DTD1: variants seen among roughly 807,000 people sequenced by gnomAD.
DTD1 encodes the protein D-tyrosyl-tRNA deacylase 1 homolog.
DTD1 carries 13 observed loss-of-function variants against 25.6 expected under a neutral mutation model. The observed-to-expected ratio is 0.51, with a 90% CI of 0.33 to 0.81. The LOEUF is 0.81. DTD1 is among the 30% of genes least tolerant of loss of function. The probability of loss-of-function intolerance (pLI) is 0.02; values close to 1 mark genes in which losing one functional copy is unlikely to be tolerated. For missense variants in DTD1, 193 were observed against 266.4 expected (o/e 0.72, Z 1.92); for synonymous variants, 110 against 103.6 (o/e 1.06, Z -0.37).
At chr20:18,744,053 ATGTGTTTGT>A in intron 4 of DTD1, 38 bp from the exon 5 acceptor site, 1 of 1,533,440 alleles carries the variant, frequency 6.5e-7, no homozygotes, top group South Asian at 1.2e-5. Flanking sequence ...ATACACAGGC[ATGTGTTTGT>A]GTTTGTAAAA....
intron 4 of DTD1, among the ~76,000 whole-genome samples, chr20:18,660,115 A>G (rs960078506): frequency 6.6e-6 from 1 of 152,138 alleles, no homozygotes; most frequent in Admixed American, 6.5e-5. Flanking sequence ...GTGGAAGCCT[A>G]TAATCACAGC....
chr20:18,595,162 G>T (rs1358522489), intron 2 of DTD1, among the ~76,000 whole-genome samples: 2 of 152,206 alleles, frequency 1.3e-5, no homozygotes, highest in Non-Finnish European at 2.9e-5. Context: ...CCCCTCTGGG[G>T]CTTAAGGAGC....
chr20:18,699,058 T>C (rs2061091550), intron 4 of DTD1, among the ~76,000 whole-genome samples: 3 of 151,882 alleles, frequency 2.0e-5, no homozygotes, highest in Non-Finnish European at 4.4e-5. Context: ...CACCAGGGAG[T>C]TTGGGAAAGT....
At chr20:18,753,519 A>G (rs2061328432) in intron 5 of DTD1, among the ~76,000 whole-genome samples, 1 of 150,020 alleles carries the variant, frequency 6.7e-6, no homozygotes, top group Non-Finnish European at 1.5e-5. Context: ...GAGACAGGAG[A>G]ATCGCTTGAA....
chr20:18,598,196 T>C (rs1359788153), intron 3 of DTD1, among the ~76,000 whole-genome samples: 1 of 152,108 alleles, frequency 6.6e-6, no homozygotes, highest in Admixed American at 6.6e-5. Context: ...TTCTCCTTAT[T>C]CAACTCCCAC....
rs569025446 is a variant in DTD1, at chr20:18,707,453, T to C, written c.478-36647T>C. Among the ~76,000 whole-genome samples the C allele has an allele frequency of 1.2e-4, 19 of 152,326 alleles. No homozygotes were observed. In the South Asian group the frequency reaches 3.5e-3, roughly 28 times the overall value. ...GCTCACTCATATATGCACCTGGTCT[T>C]ACCCAATATACCAAACTGTGGTGGT... On this transcript the variant is annotated intron_variant, in intron 4 of 5. Coordinates refer to ENST00000377452, the MANE Select transcript of DTD1 (RefSeq NM_080820.6).
At chr20:18,728,805 G>A (rs890137063) in intron 4 of DTD1, among the ~76,000 whole-genome samples, 2 of 152,160 alleles carry the variant, frequency 1.3e-5, no homozygotes, top group Admixed American at 6.5e-5. Context: ...TCTGGTGGTA[G>A]GTGTATTTTG....
At chr20:18,589,586 C>T (rs2060580964) in intron 1 of DTD1, among the ~76,000 whole-genome samples, 1 of 152,090 alleles carries the variant, frequency 6.6e-6, no homozygotes, top group African/African-American at 2.4e-5. Flanking sequence ...GCTTTTATAA[C>T]ATTTCTGTAG....
chr20:18,696,526 A>G (rs1036060165), intron 4 of DTD1, among the ~76,000 whole-genome samples: 19 of 152,122 alleles, frequency 1.2e-4, no homozygotes, highest in African/African-American at 2.9e-4. Flanking sequence ...AAAGGTCACT[A>G]TGCTCACAGG....
chr20:18,714,467 A>G (rs2061172088), intron 4 of DTD1, among the ~76,000 whole-genome samples: 1 of 152,176 alleles, frequency 6.6e-6, no homozygotes, highest in Non-Finnish European at 1.5e-5. Flanking sequence ...AGCTAGTTTT[A>G]GGACTTTTCA....
At chr20:18,648,343 A>G (rs1335738241) in intron 4 of DTD1, among the ~76,000 whole-genome samples, 1 of 152,184 alleles carries the variant, frequency 6.6e-6, no homozygotes, top group Non-Finnish European at 1.5e-5. Flanking sequence ...CCCCAAGCCA[A>G]TGACACCAGA....
At chr20:18,636,091 G>A (rs1284440626) in intron 4 of DTD1, among the ~76,000 whole-genome samples, 1 of 152,072 alleles carries the variant, frequency 6.6e-6, no homozygotes, top group Non-Finnish European at 1.5e-5. Flanking sequence ...GTTTGTTCCT[G>A]TATATGTGTT....
At chr20:18,672,869 G>A (rs909381959) in intron 4 of DTD1, among the ~76,000 whole-genome samples, 7 of 152,170 alleles carry the variant, frequency 4.6e-5, no homozygotes, top group African/African-American at 1.7e-4. Context: ...TGTTTGTTAT[G>A]ATAAGCCAGA....
intron 3 of DTD1, among the ~76,000 whole-genome samples, chr20:18,609,117 G>A (rs2060675711): frequency 6.6e-6 from 1 of 151,584 alleles, no homozygotes; most frequent in Admixed American, 6.6e-5. Context: ...TGTTGCTCTA[G>A]TTACACCCTT....
chr20:18,719,786 AT>A (rs999835182), intron 4 of DTD1, among the ~76,000 whole-genome samples: 3 of 152,186 alleles, frequency 2.0e-5, no homozygotes, highest in Non-Finnish European at 2.9e-5. Flanking sequence ...CTTTTATGTA[AT>A]TCTGTGGCAA....
intron 4 of DTD1, among the ~76,000 whole-genome samples, chr20:18,703,474 C>A (rs187282387): frequency 1.1e-4 from 16 of 152,080 alleles, no homozygotes; most frequent in Non-Finnish European, 2.1e-4. Context: ...TATTTTCTCA[C>A]CATTTATTTT....
intron 5 of DTD1, among the ~76,000 whole-genome samples, chr20:18,762,432 G>C (rs2122545653): frequency 6.6e-6 from 1 of 152,270 alleles, no homozygotes; most frequent in East Asian, 1.9e-4. Flanking sequence ...TTGGACTTCT[G>C]TACCAAACAG....
rs1278361214 is a variant in DTD1, at chr20:18,744,187, C to T, written c.565C>T (p.Arg189Ter). The change falls in exon 5 of 6, where the codon CGA (arginine) becomes TGA (stop). Residue 189 changes from arginine to a stop codon, truncating the protein, a stop_gained. Coordinates refer to ENST00000377452, the MANE Select transcript of DTD1 (RefSeq NM_080820.6). LOFTEE classifies it high-confidence loss of function. ...ATCAAGCAAGGAAAGAAACACTCCC[C>T]GAAAAGAAGACCGCAGTGCCAGCAG... ...SESSKERNTP[R>*]KEDRSASSGA... 15 of 1,612,276 alleles carry T rather than the reference C, an allele frequency of 9.3e-6. No individual in the cohort carries two copies. The highest frequency in any genetic ancestry group is 1.1e-5 in the Non-Finnish European group (13 of 1,180,016).
At chr20:18,695,280 G>A (rs759982637) in intron 4 of DTD1, among the ~76,000 whole-genome samples, 5 of 151,642 alleles carry the variant, frequency 3.3e-5, no homozygotes, top group Middle Eastern at 3.2e-3. Flanking sequence ...AAGGTCTCTC[G>A]TTCAGGTGCA....
Sources: gnomAD v4.1 joint callset for allele counts (sites outside exome capture counted in the v4.1 genomes callset) on GRCh38, gnomAD v4.1.1 for gene constraint, MANE v1.5 for transcripts, NCBI Gene and HGNC (gene_info 2026-07-23, HGNC 2026-07-21) for gene names.